MMD2: variants seen among roughly 807,000 people sequenced by gnomAD.
MMD2 encodes monocyte to macrophage differentiation factor 2.
In MMD2, 30 loss-of-function variants were observed where a neutral mutation model predicts 33.5. The ratio of observed to expected loss-of-function variants is 0.90; its 90% CI spans 0.67 to 1.22. The LOEUF (loss-of-function observed/expected upper bound fraction) is 1.22, where lower values mean the gene tolerates loss of function less well. MMD2 is among the 50% of genes most tolerant of loss of function. The pLI is 0.00. For synonymous variants in MMD2, 129 were observed against 123.0 expected, an observed-to-expected ratio of 1.05 and a Z score of -0.32; for missense variants, 364 against 325.4, an observed-to-expected ratio of 1.12 and a Z score of -0.91.
chr7:4,930,410 T>A (rs367678320), intron 1 of MMD2, among the ~76,000 whole-genome samples: 3 of 146,988 alleles, frequency 2.0e-5, no homozygotes, highest in Non-Finnish European at 3.0e-5. Flanking sequence ...GAAGCGGAGG[T>A]GGGTGGATCA....
the MMD2 span, among the ~76,000 whole-genome samples, chr7:4,893,040 A>G: frequency 1.3e-5 from 2 of 152,118 alleles, no homozygotes; most frequent in Non-Finnish European, 2.9e-5. Context: ...TAAGATAGCC[A>G]CCTCAATACA....
chr7:4,930,009 C>T (rs993960177), intron 1 of MMD2, among the ~76,000 whole-genome samples: 9 of 151,990 alleles, frequency 5.9e-5, no homozygotes, highest in Non-Finnish European at 1.0e-4. Flanking sequence ...GTGGCTCACA[C>T]CTGTAATCCC....
At chr7:4,926,306 G>A (rs1012530558) in intron 1 of MMD2, among the ~76,000 whole-genome samples, 8 of 151,698 alleles carry the variant, frequency 5.3e-5, no homozygotes, top group East Asian at 1.9e-4. Flanking sequence ...TAATCACGTT[G>A]CCCAGGCTGG....
At chr7:4,942,435 A>AT (rs1562492408) in intron 1 of MMD2, among the ~76,000 whole-genome samples, 1 of 149,158 alleles carries the variant, frequency 6.7e-6, no homozygotes, top group Non-Finnish European at 1.5e-5. Flanking sequence ...TAATTAAAAA[A>AT]TTTTTTTAAT....
intron 6 of MMD2, among the ~76,000 whole-genome samples, chr7:4,908,776 A>G (rs1456408964): frequency 6.6e-6 from 1 of 151,918 alleles, no homozygotes; most frequent in Non-Finnish European, 1.5e-5. Context: ...ACGCGCCTGT[A>G]ATCCCAGCTA....
chr7:4,907,400 T>G lies in MMD2; in HGVS notation c.737A>C (p.Lys246Thr). 6.2e-7 allele frequency: 1 copy of G among 1,613,694 alleles called. No individual in the cohort carries two copies. Among genetic ancestry groups the G allele is most frequent in the Non-Finnish European group, 8.5e-7 (1 of 1,179,870 alleles). Residue 246 changes from lysine to threonine, a missense_variant, in exon 7 of 7, where the codon AAA becomes ACA. By Grantham distance (78) the Lys-to-Thr change is moderately conservative. Transcript: ENST00000401401. ...LPSTLQTKVS[K>T] ...ACCTCTCAAGTCTGGGTCACCTCAT[T>G]TGGACACCTTGGTCTGCAGGGTGCT...
chr7:4,901,810 T>C (rs886214459), downstream of MMD2, among the ~76,000 whole-genome samples: 6 of 152,264 alleles, frequency 3.9e-5, no homozygotes, highest in African/African-American at 1.4e-4. Flanking sequence ...GCACCTGGCT[T>C]GTAGCATTTG....
At position 4,910,303 on chromosome 7, in the gene MMD2, A is replaced by C. The variant is rs562368786; in HGVS notation, c.468-353T>G. Among the ~76,000 whole-genome samples, 4 of 152,212 alleles carry C rather than the reference A, an allele frequency of 2.6e-5. No individual in the cohort carries two copies. The South Asian group carries it at 8.3e-4, about 32-fold the overall frequency. ...ATTCGATCCTAGCATCTCTTCCCAC[A>C]AGGCCCAAGCAGCCACTTCCAATTG... On this transcript the variant is annotated intron_variant, in intron 5 of 6. Coordinates refer to ENST00000401401, the MANE Select transcript of MMD2 (RefSeq NM_198403.4).
At position 4,940,539 on chromosome 7, in the gene MMD2, C is replaced by T. The variant is rs1382785204; in HGVS notation, c.48-15007G>A. Among the ~76,000 whole-genome samples the T allele has an allele frequency of 6.6e-6, 1 of 152,188 alleles. No individual in the cohort carries two copies. Among genetic ancestry groups the T allele is most frequent in the Non-Finnish European group, 1.5e-5 (1 of 68,032 alleles). On this transcript the variant is annotated intron_variant, in intron 1 of 6. Coordinates refer to ENST00000401401, the MANE Select transcript of MMD2 (RefSeq NM_198403.4). This position sits in a 1 kb window ranked among gnomAD's most constrained non-coding sequence, Gnocchi z 5.0. ...AGGGACCACGCAGGGCCAAGTTGGC[C>T]CCGGCCGTGCTAAGCCTCTCTCCCC...
chr7:4,893,940 G>A, the MMD2 span, among the ~76,000 whole-genome samples: 1 of 152,124 alleles, frequency 6.6e-6, no homozygotes, highest in Non-Finnish European at 1.5e-5. Flanking sequence ...CTTGGTTTTG[G>A]TAGGTTTTGG....
chr7:4,933,044 A>G (rs976378370), intron 1 of MMD2, among the ~76,000 whole-genome samples: 19 of 151,664 alleles, frequency 1.3e-4, no homozygotes, highest in Admixed American at 6.6e-4. Flanking sequence ...AAGAAACTGT[A>G]CTCTGAATGC....
chr7:4,913,112 G>A (rs1017439507), intron 4 of MMD2, among the ~76,000 whole-genome samples: 7 of 152,176 alleles, frequency 4.6e-5, no homozygotes, highest in African/African-American at 1.4e-4. Context: ...AAAAGTTTAA[G>A]AGTAAAAAAT....
chr7:4,900,433 T>A, the MMD2 span, among the ~76,000 whole-genome samples: 1 of 152,178 alleles, frequency 6.6e-6, no homozygotes, highest in South Asian at 2.1e-4. Flanking sequence ...TCATGGTGTG[T>A]CTGTAAATTA....
At chr7:4,953,206 T>C (rs1786295999) in intron 1 of MMD2, among the ~76,000 whole-genome samples, 1 of 151,716 alleles carries the variant, frequency 6.6e-6, no homozygotes, top group Admixed American at 6.6e-5. Flanking sequence ...TATCACATAG[T>C]TATTATCTGT....
At chr7:4,930,711 C>T (rs1035200138) in intron 1 of MMD2, among the ~76,000 whole-genome samples, 2 of 151,638 alleles carry the variant, frequency 1.3e-5, no homozygotes, top group South Asian at 4.2e-4. Flanking sequence ...ACGGGGACGA[C>T]AGCCATGTGA....
At chr7:4,925,409 G>A (rs771468917) in intron 2 of MMD2, 42 bp downstream of exon 2, 4 of 1,404,000 alleles carry the variant, frequency 2.8e-6, no homozygotes, top group Non-Finnish European at 9.6e-7. Context: ...TTCCCCGGAA[G>A]TGTCCCCATC....
rs886835333 is a variant in MMD2 at position 4,946,085 on chromosome 7, G to A, written c.47+12886C>T. On this transcript the variant is annotated intron_variant, in intron 1 of 6. Coordinates refer to ENST00000401401, the MANE Select transcript of MMD2 (RefSeq NM_198403.4). The surrounding 1 kb of genome is among the most constrained non-coding windows in gnomAD (Gnocchi z 5.0). ...TGCACACACTCACACGCACGCACAC[G>A]CACGCACACACACGCATGCACACGC... Among the ~76,000 whole-genome samples the A allele has an allele frequency of 6.7e-5, 10 of 150,202 alleles. No homozygotes were observed. Among genetic ancestry groups the A allele is most frequent in the Non-Finnish European group, 8.9e-5 (6 of 67,560 alleles).
At chr7:4,898,339 ACACTAAG>A in the MMD2 span, among the ~76,000 whole-genome samples, 1 of 152,176 alleles carries the variant, frequency 6.6e-6, no homozygotes, top group Non-Finnish European at 1.5e-5. Flanking sequence ...CAGCAAATAC[ACACTAAG>A]CACTGATTAC....
At chr7:4,952,855 C>A (rs1398875304) in intron 1 of MMD2, among the ~76,000 whole-genome samples, 1 of 152,004 alleles carries the variant, frequency 6.6e-6, no homozygotes, top group East Asian at 1.9e-4. Flanking sequence ...CCACACCTGG[C>A]TAATTTTTGT....
Sources: gnomAD v4.1 joint callset for allele counts (sites outside exome capture counted in the v4.1 genomes callset) on GRCh38, gnomAD v4.1.1 for gene constraint, Gnocchi (gnomAD v3.1) non-coding constraint, MANE v1.5 for transcripts, NCBI Gene and HGNC (gene_info 2026-07-23, HGNC 2026-07-21) for gene names.